The following KMT5B variants were observed in gnomAD, a reference collection of about 807,000 sequenced individuals.
The protein encoded by KMT5B is lysine methyltransferase 5B.
KMT5B carries 10 observed loss-of-function variants against 83.2 expected under a neutral mutation model. The ratio of observed to expected loss-of-function variants is 0.12; its 90% CI spans 0.07 to 0.20. The LOEUF is 0.20. Among genes scored for constraint, KMT5B ranks in the 10% least tolerant of loss-of-function variants. KMT5B has a pLI of 1.00. For synonymous variants in KMT5B, 349 were observed against 388.8 expected (o/e 0.90, Z 1.20); for missense variants, 753 against 1,067.2 (o/e 0.71, Z 4.10).
intron 1 of KMT5B, among the ~76,000 whole-genome samples, chr11:68,208,425 C>G (rs898834433): frequency 1.3e-5 from 2 of 151,914 alleles, no homozygotes; most frequent in African/African-American, 4.8e-5. Context: ...TGCACTCCAG[C>G]CTGGGCAACA....
At chr11:68,196,566 C>A (rs1858742253) in intron 1 of KMT5B, among the ~76,000 whole-genome samples, 1 of 151,202 alleles carries the variant, frequency 6.6e-6, no homozygotes, top group Admixed American at 6.6e-5. Context: ...TTAAAAAAAA[C>A]TGTAAATTAA....
At chr11:68,163,556 C>T (rs1323929674) in intron 10 of KMT5B, among the ~76,000 whole-genome samples, 1 of 152,112 alleles carries the variant, frequency 6.6e-6, no homozygotes, top group East Asian at 1.9e-4. Context: ...GAGCTGTGAC[C>T]GACACCAAAG....
At chr11:68,208,937 C>T (rs983397526) in intron 1 of KMT5B, among the ~76,000 whole-genome samples, 6 of 152,136 alleles carry the variant, frequency 3.9e-5, no homozygotes, top group African/African-American at 1.2e-4. Flanking sequence ...TGCTTTAAAC[C>T]CTCCAGGACC....
Position 68,158,659 on chromosome 11 carries a change from C to G in KMT5B, c.1687G>C (p.Gly563Arg). 1 of 1,614,076 alleles carries G rather than the reference C, an allele frequency of 6.2e-7. No homozygotes were observed. Among genetic ancestry groups the G allele is most frequent in the Non-Finnish European group, 8.5e-7 (1 of 1,180,028 alleles). The stretch of plus-strand genomic sequence containing the variant: ...GGTTCCGTCACACTGCTTTTATAGC[C>G]ATTCAACGTATTTGGTTCAAGCTTG... ...DIKLEPNTLNGYKSSVTEPCP... is the reference protein window; with the variant it reads ...DIKLEPNTLNRYKSSVTEPCP... Residue 563 changes from glycine to arginine, a missense_variant, in exon 11 of 11, where the codon GGC becomes CGC. By Grantham distance (125) the Gly-to-Arg change is moderately radical. This residue lies in a region of KMT5B where 397 missense variants were observed against 395.9 expected (regional missense o/e 1.00). Transcript: ENST00000304363.
chr11:68,198,552 C>T (rs1180179092), intron 1 of KMT5B, among the ~76,000 whole-genome samples: 3 of 152,190 alleles, frequency 2.0e-5, no homozygotes, highest in Non-Finnish European at 4.4e-5. Flanking sequence ...TGCCCCCTCC[C>T]AACAAACACA....
chr11:68,168,371 T>C (rs1023010095), intron 9 of KMT5B, among the ~76,000 whole-genome samples: 1 of 151,634 alleles, frequency 6.6e-6, no homozygotes, highest in African/African-American at 2.4e-5. Flanking sequence ...AGTCTTGCTG[T>C]GTCACCCAAG....
intron 10 of KMT5B, among the ~76,000 whole-genome samples, 173 bp from the exon 11 acceptor site, chr11:68,159,344 T>C (rs1259125859): frequency 6.6e-6 from 1 of 152,206 alleles, no homozygotes; most frequent in Non-Finnish European, 1.5e-5. Flanking sequence ...TGCTTCTCTT[T>C]GAAGTTCTTT....
Position 68,161,114 on chromosome 11 carries a change from G to T in KMT5B, c.1175-1943C>A, listed in dbSNP as rs76961208. 6.1e-3 allele frequency among the ~76,000 whole-genome samples: 928 copies of T among 152,238 alleles called. 6 individuals carry two copies. The highest frequency in any genetic ancestry group is 9.7e-3 in the Non-Finnish European group (658 of 68,010). ...GTGGCGCCTCTTTTTAGAATAGTAG[G>T]AGTAGTGAACTTTGAATGTGATTCA... is the stretch of plus-strand genomic sequence containing the variant. On this transcript the variant is annotated intron_variant, in intron 10 of 10. Coordinates refer to ENST00000304363, the MANE Select transcript of KMT5B (RefSeq NM_017635.5).
intron 10 of KMT5B, among the ~76,000 whole-genome samples, chr11:68,163,452 C>T (rs969205069): frequency 2.0e-5 from 3 of 152,140 alleles, no homozygotes; most frequent in Non-Finnish European, 2.9e-5. Flanking sequence ...CCTCAACTTA[C>T]GGGTAAAGGC....
At chr11:68,207,724 G>C (rs1002244972) in intron 1 of KMT5B, among the ~76,000 whole-genome samples, 1 of 149,184 alleles carries the variant, frequency 6.7e-6, no homozygotes, top group Non-Finnish European at 1.5e-5. Flanking sequence ...CCAGGAGGCA[G>C]AGGTTGTGGT....
intron 3 of KMT5B, among the ~76,000 whole-genome samples, chr11:68,183,421 G>A (rs1007910742): frequency 1.3e-5 from 2 of 152,018 alleles, no homozygotes; most frequent in African/African-American, 2.4e-5. Context: ...GCAGTGGCGC[G>A]ATCCCAGCTC....
chr11:68,197,551 A>G (rs1373756414), intron 1 of KMT5B, among the ~76,000 whole-genome samples: 2 of 152,378 alleles, frequency 1.3e-5, no homozygotes, highest in Non-Finnish European at 1.5e-5. Flanking sequence ...TCACTTTAGT[A>G]ATAGCAAACT....
intron 1 of KMT5B, among the ~76,000 whole-genome samples, chr11:68,199,663 T>C (rs939332473): frequency 2.0e-5 from 3 of 152,330 alleles, no homozygotes; most frequent in African/African-American, 7.2e-5. Context: ...AAAGCAGTTC[T>C]AATGAAGCTA....
rs191783975 is a variant in KMT5B at position 68,196,216 on chromosome 11, T to C, written c.-76-6064A>G. On this transcript the variant is annotated intron_variant, in intron 1 of 10. Transcript: ENST00000304363. ...GGGTGTGGGGAAGGGCAATGCACCA[T>C]GCCTTTCTCCTCTGTCTGCCTGGAA... Among the ~76,000 whole-genome samples the C allele has an allele frequency of 5.1e-4, 78 of 152,178 alleles. 1 individual carries two copies. Among genetic ancestry groups the C allele is most frequent in the Admixed American group, 3.4e-3 (52 of 15,276 alleles).
At chr11:68,166,920 T>C in intron 10 of KMT5B, 62 bp downstream of exon 10, 2 of 1,597,634 alleles carry the variant, frequency 1.3e-6, no homozygotes, top group Non-Finnish European at 1.7e-6. Context: ...AAGCACACTT[T>C]ATAAAGCAAA....
intron 1 of KMT5B, among the ~76,000 whole-genome samples, chr11:68,208,006 T>C (rs1239288508): frequency 6.7e-6 from 1 of 150,024 alleles, no homozygotes; most frequent in Non-Finnish European, 1.5e-5. Flanking sequence ...GCCCAGCTAA[T>C]TTTTGTATTT....
rs139463851 is a variant in KMT5B at position 68,209,003 on chromosome 11, C to T, written c.-77+4135G>A. ...AAGGGGGAAAGTGAAGGGGGGTTTC[C>T]TATGGTGCCACTGGCTCACTGGCTG... On this transcript the variant is annotated intron_variant, in intron 1 of 10. Coordinates refer to ENST00000304363, the MANE Select transcript of KMT5B (RefSeq NM_017635.5). 3.3e-3 allele frequency among the ~76,000 whole-genome samples: 510 copies of T among 152,242 alleles called. 2 individuals carry two copies. The highest frequency in any genetic ancestry group is 0.012 in the African/African-American group (492 of 41,552).
At chr11:68,167,961 A>G (rs977621821) in intron 9 of KMT5B, among the ~76,000 whole-genome samples, 152 of 152,224 alleles carry the variant, frequency 1.0e-3, no homozygotes, top group African/African-American at 3.5e-3. Context: ...CACGAGGTCA[A>G]GAGATAAAGA....
At chr11:68,182,404 T>C (rs559751985) in intron 3 of KMT5B, among the ~76,000 whole-genome samples, 5 of 152,352 alleles carry the variant, frequency 3.3e-5, no homozygotes, top group East Asian at 1.9e-4. Context: ...GTGACTCTCA[T>C]GTAAACTAAT....
Sources: gnomAD v4.1 joint callset for allele counts (sites outside exome capture counted in the v4.1 genomes callset) on GRCh38, gnomAD v4.1.1 for gene constraint, gnomAD v4.1.1 regional missense constraint, MANE v1.5 for transcripts, NCBI Gene and HGNC (gene_info 2026-07-23, HGNC 2026-07-21) for gene names.